The following SORCS2 variants were observed in gnomAD, a reference collection of about 807,000 sequenced individuals.
SORCS2 encodes the protein VPS10 domain-containing receptor SorCS2.
In SORCS2, 100 loss-of-function variants were observed where a neutral mutation model predicts 141.6. That is an observed-to-expected ratio of 0.71 (90% confidence interval 0.60 to 0.83). SORCS2 has a LOEUF of 0.83. Among genes scored for constraint, SORCS2 ranks in the 40% least tolerant of loss-of-function variants. The pLI is 0.00. For missense variants in SORCS2, 1,646 were observed against 1,560.2 expected (o/e 1.05, Z -0.93); for synonymous variants, 789 against 676.9 (o/e 1.17, Z -2.57).
chr4:7,541,232 AG>A (rs1028461068), intron 3 of SORCS2, among the ~76,000 whole-genome samples: 5 of 152,166 alleles, frequency 3.3e-5, no homozygotes, highest in African/African-American at 1.2e-4. Flanking sequence ...CCGGTGGTGT[AG>A]GGGTGTGGGC....
At chr4:7,331,336 C>T (rs911624201) in intron 1 of SORCS2, among the ~76,000 whole-genome samples, 6 of 152,072 alleles carry the variant, frequency 3.9e-5, no homozygotes, top group African/African-American at 1.2e-4. Context: ...TGATCCTTGG[C>T]TGAGACAGCT....
Position 7,192,792 on chromosome 4 carries a change from C to T in SORCS2, c.146C>T (p.Ala49Val), listed in dbSNP as rs1726922044. 7.9e-6 allele frequency: 8 copies of T among 1,015,784 alleles called. No individual in the cohort carries two copies. Among genetic ancestry groups the T allele is most frequent in the East Asian group, 9.8e-5 (1 of 10,226 alleles). 62.9% of individuals were successfully genotyped at this position (1,015,784 alleles called of 1,614,324 possible). A position where few individuals can be genotyped will look rare whatever the true frequency, so the allele number is the denominator to read the frequency against. ...LLLLLGACGA[A>V]GRSPEPGRLG... ...CTGCTGCTGGGCGCCTGCGGGGCGG[C>T]GGGGCGCTCCCCTGAGCCCGGGCGC... Residue 49 changes from alanine to valine, a missense_variant, in exon 1 of 27, where the codon GCG becomes GTG. Ala to Val is a moderately conservative substitution (Grantham distance 64). Transcript: ENST00000507866. The surrounding 1 kb of genome is among the most constrained non-coding windows in gnomAD (Gnocchi z 4.0).
intron 22 of SORCS2, among the ~76,000 whole-genome samples, chr4:7,728,986 T>C (rs925128022): frequency 6.6e-6 from 1 of 152,192 alleles, no homozygotes; most frequent in Non-Finnish European, 1.5e-5. Flanking sequence ...TGAGGCCTAC[T>C]CTGACCAGGC....
At chr4:7,370,885 C>G (rs1722206414) in intron 1 of SORCS2, among the ~76,000 whole-genome samples, 1 of 152,156 alleles carries the variant, frequency 6.6e-6, no homozygotes, top group Admixed American at 6.5e-5. Context: ...CCTAGCACGT[C>G]CCCTCAATCC....
intron 2 of SORCS2, among the ~76,000 whole-genome samples, chr4:7,426,660 C>G (rs1237130480): frequency 6.6e-6 from 1 of 152,082 alleles, no homozygotes; most frequent in African/African-American, 2.4e-5. Flanking sequence ...GGGGTGTGCT[C>G]GATGCGGTCA....
chr4:7,620,471 C>T (rs779239420), intron 3 of SORCS2, among the ~76,000 whole-genome samples: 1 of 152,242 alleles, frequency 6.6e-6, no homozygotes, highest in African/African-American at 2.4e-5. Flanking sequence ...ATCTGTCCAT[C>T]TGTGGACTGC....
chr4:7,456,481 G>GT (rs1430861074), intron 2 of SORCS2, among the ~76,000 whole-genome samples: 1 of 151,642 alleles, frequency 6.6e-6, no homozygotes, highest in African/African-American at 2.4e-5. Context: ...AGGGTGAGAG[G>GT]GGGGGGGCCT....
At chr4:7,548,000 G>C (rs1315468295) in intron 3 of SORCS2, among the ~76,000 whole-genome samples, 1 of 152,210 alleles carries the variant, frequency 6.6e-6, no homozygotes, top group Non-Finnish European at 1.5e-5. Context: ...TTTGGGCAGT[G>C]AGCTTTCTTC....
At chr4:7,591,710 C>T (rs1176404055) in intron 3 of SORCS2, among the ~76,000 whole-genome samples, 1 of 152,200 alleles carries the variant, frequency 6.6e-6, no homozygotes, top group Admixed American at 6.5e-5. Flanking sequence ...CCTTCCCCAT[C>T]GCCCCCGTAG....
chr4:7,606,625 C>T (rs1275558835), intron 3 of SORCS2, among the ~76,000 whole-genome samples: 1 of 152,120 alleles, frequency 6.6e-6, no homozygotes, highest in Non-Finnish European at 1.5e-5. Context: ...TCTGTGGGTA[C>T]TGGCTGGACT....
chr4:7,665,263 C>A (rs6819250), intron 7 of SORCS2, among the ~76,000 whole-genome samples: 1 of 152,026 alleles, frequency 6.6e-6, no homozygotes, highest in African/African-American at 2.4e-5. Context: ...TACACTCAGT[C>A]TGTGCCAAGG....
Position 7,728,371 on chromosome 4 carries a change from T to C in SORCS2, c.2891T>C (p.Leu964Pro). 6.2e-7 allele frequency: 1 copy of C among 1,613,678 alleles called. No individual in the cohort carries two copies. The highest frequency in any genetic ancestry group is 8.5e-7 in the Non-Finnish European group (1 of 1,179,774). The change falls in exon 22 of 27, where the codon CTG becomes CCG. Residue 964 changes from leucine (L) to proline (P), a missense_variant. Leu to Pro is a moderately conservative substitution (Grantham distance 98). Transcript: ENST00000507866. Reference sequence around the variant, plus strand: ...CCAGATCAATTTCAAGTCATGCCTCTGCAGTTTTCCAAGGAGCTGGATGCC... The same window carrying C: ...CCAGATCAATTTCAAGTCATGCCTCCGCAGTTTTCCAAGGAGCTGGATGCC... ...RVLDQFQVMP[L>P]QFSKELDAYN...
chr4:7,416,585 C>A (rs1483031678), intron 2 of SORCS2, among the ~76,000 whole-genome samples: 2 of 152,208 alleles, frequency 1.3e-5, no homozygotes, highest in African/African-American at 4.8e-5. Context: ...CACATGCAGA[C>A]ACATGCTCAC....
intron 1 of SORCS2, among the ~76,000 whole-genome samples, chr4:7,307,768 CAT>C (rs1271328881): frequency 6.6e-6 from 1 of 151,738 alleles, no homozygotes; most frequent in Non-Finnish European, 1.5e-5. Context: ...TGTGTGTGCC[CAT>C]GAGTTTGTGC....
At chr4:7,294,152 G>A (rs144294506) in intron 1 of SORCS2, among the ~76,000 whole-genome samples, 4 of 152,324 alleles carry the variant, frequency 2.6e-5, no homozygotes, top group African/African-American at 7.2e-5. Context: ...GGTTCTGAGC[G>A]TCCTATGTGC....
intron 25 of SORCS2, among the ~76,000 whole-genome samples, chr4:7,734,933 G>C (rs1458622650): frequency 3.3e-5 from 5 of 152,186 alleles, no homozygotes; most frequent in Admixed American, 3.3e-4. Context: ...GGGTGAGGTG[G>C]CAAGAACAGT....
chr4:7,721,243 T>C (rs1163312623), intron 18 of SORCS2, among the ~76,000 whole-genome samples: 1 of 152,094 alleles, frequency 6.6e-6, no homozygotes, highest in Admixed American at 6.5e-5. Context: ...GGTGGGTGGA[T>C]CAGCTGAGGT....
intron 3 of SORCS2, among the ~76,000 whole-genome samples, chr4:7,593,194 G>A (rs1004277975): frequency 6.6e-6 from 1 of 152,178 alleles, no homozygotes. Context: ...AACCAACAGG[G>A]TCAGGTAGAA....
At chr4:7,375,089 G>T (rs1722553897) in intron 1 of SORCS2, among the ~76,000 whole-genome samples, 1 of 152,180 alleles carries the variant, frequency 6.6e-6, no homozygotes, top group East Asian at 1.9e-4. Context: ...GATTCGATGA[G>T]AAAGGGACTT....
Sources: gnomAD v4.1 joint callset for allele counts (sites outside exome capture counted in the v4.1 genomes callset) on GRCh38, gnomAD v4.1.1 for gene constraint, Gnocchi (gnomAD v3.1) non-coding constraint, MANE v1.5 for transcripts, NCBI Gene and HGNC (gene_info 2026-07-23, HGNC 2026-07-21) for gene names.